The following VKORC1L1 variants were observed in gnomAD, a reference collection of about 807,000 sequenced individuals.
The protein encoded by VKORC1L1 is vitamin K epoxide reductase complex subunit 1-like protein 1.
Under a neutral mutation model 18.9 loss-of-function variants are expected in VKORC1L1, and 2 were observed. That is an observed-to-expected ratio of 0.11 (90% CI 0.04 to 0.33). VKORC1L1 has a LOEUF of 0.33. Ranked by LOEUF, VKORC1L1 falls within the 10% of genes least tolerant of loss-of-function variation. The pLI is 1.00. For missense variants in VKORC1L1, 123 were observed against 224.1 expected (o/e 0.55, Z 2.88); for synonymous variants, 96 against 100.0 (o/e 0.96, Z 0.24).
chr7:65,909,157 T>G (rs1789457973), intron 1 of VKORC1L1, among the ~76,000 whole-genome samples: 1 of 148,650 alleles, frequency 6.7e-6, no homozygotes, highest in Admixed American at 6.6e-5. Flanking sequence ...TTTTTTTTTT[T>G]TTTTTTAGTA....
chr7:65,928,092 G>A (rs990385541), intron 1 of VKORC1L1, among the ~76,000 whole-genome samples: 1 of 151,994 alleles, frequency 6.6e-6, no homozygotes, highest in East Asian at 1.9e-4. Flanking sequence ...CATGCCCCAA[G>A]AACTATTGAA....
intron 1 of VKORC1L1, among the ~76,000 whole-genome samples, chr7:65,901,251 T>C (rs1789310346): frequency 6.6e-6 from 1 of 152,106 alleles, no homozygotes; most frequent in African/African-American, 2.4e-5. Context: ...AATCCCAGTG[T>C]TTTGGGAGGC....
upstream of VKORC1L1, among the ~76,000 whole-genome samples, chr7:65,871,940 G>A (rs146958025): frequency 1.5e-4 from 23 of 152,260 alleles, no homozygotes; most frequent in Non-Finnish European, 2.2e-4. Context: ...AATAGATAAC[G>A]AATACAAGGA....
intron 2 of VKORC1L1, among the ~76,000 whole-genome samples, chr7:65,951,744 C>T (rs1419782533): frequency 6.6e-6 from 1 of 152,180 alleles, no homozygotes; most frequent in Admixed American, 6.5e-5. Flanking sequence ...CTTAATTTTC[C>T]TCCTTTTTAA....
intron 1 of VKORC1L1, among the ~76,000 whole-genome samples, chr7:65,888,079 G>A (rs1335773227): frequency 6.6e-6 from 1 of 152,054 alleles, no homozygotes; most frequent in Non-Finnish European, 1.5e-5. Context: ...AGGTAAACCC[G>A]CCCCTGTGTG....
chr7:65,911,991 T>C (rs985309743), intron 1 of VKORC1L1, among the ~76,000 whole-genome samples: 24 of 152,202 alleles, frequency 1.6e-4, no homozygotes, highest in African/African-American at 4.6e-4. Flanking sequence ...TTACCCACTA[T>C]TGACATATAA....
intron 1 of VKORC1L1, among the ~76,000 whole-genome samples, chr7:65,896,064 T>G (rs1789206608): frequency 1.5e-5 from 2 of 132,388 alleles, no homozygotes; most frequent in Admixed American, 7.6e-5. Flanking sequence ...CTCGGCCAAC[T>G]TTTTTTTTTT....
chr7:65,939,674 G>C (rs1790002662), intron 1 of VKORC1L1, among the ~76,000 whole-genome samples: 1 of 152,176 alleles, frequency 6.6e-6, no homozygotes, highest in Non-Finnish European at 1.5e-5. Context: ...ATTCATTTCT[G>C]CCGGAAACAA....
chr7:65,870,666 G>A (rs887612688), upstream of VKORC1L1, among the ~76,000 whole-genome samples: 4 of 152,198 alleles, frequency 2.6e-5, no homozygotes, highest in African/African-American at 9.7e-5. Flanking sequence ...ATTGATGAAA[G>A]AAGCCAGATG....
At chr7:65,930,494 T>G (rs1240725900) in intron 1 of VKORC1L1, among the ~76,000 whole-genome samples, 1 of 152,208 alleles carries the variant, frequency 6.6e-6, no homozygotes, top group Non-Finnish European at 1.5e-5. Context: ...AGCATGCAGT[T>G]ATTGATCAAG....
At chr7:65,926,715 A>G (rs1380757052) in intron 1 of VKORC1L1, among the ~76,000 whole-genome samples, 2 of 152,208 alleles carry the variant, frequency 1.3e-5, no homozygotes, top group Non-Finnish European at 2.9e-5. Context: ...TGCCCACTGG[A>G]CCAATGAGTG....
intron 1 of VKORC1L1, among the ~76,000 whole-genome samples, chr7:65,884,766 A>G (rs549023255): frequency 6.6e-6 from 1 of 152,220 alleles, no homozygotes. Context: ...CCAATATGAT[A>G]TATGAAAATT....
chr7:65,924,542 A>C (rs777936493), intron 1 of VKORC1L1, among the ~76,000 whole-genome samples: 1 of 152,232 alleles, frequency 6.6e-6, no homozygotes, highest in Non-Finnish European at 1.5e-5. Flanking sequence ...GAGTAATACA[A>C]ATGTAAATGG....
At position 65,957,440 on chromosome 7, in the gene VKORC1L1, C is replaced by T. The variant is rs1288034436; in HGVS notation, c.*3140C>T. Reference sequence around the variant, plus strand: ...AGGTTGCAGTGAGTCAAGATCATGCCACTGCACTCCAGCCTGGCCAACAGA... The same window carrying T: ...AGGTTGCAGTGAGTCAAGATCATGCTACTGCACTCCAGCCTGGCCAACAGA... On this transcript the variant is annotated 3_prime_UTR_variant, in exon 3 of 3. Transcript: ENST00000360768. 1.3e-5 allele frequency: 2 copies of T among 151,686 alleles called. No individual in the cohort carries two copies. Among genetic ancestry groups the T allele is most frequent in the African/African-American group, 4.9e-5 (2 of 41,156 alleles). 9.4% of individuals were successfully genotyped at this position (151,686 alleles called of 1,614,324 possible).
chr7:65,878,748 C>T (rs1399222541), intron 1 of VKORC1L1, among the ~76,000 whole-genome samples: 2 of 151,272 alleles, frequency 1.3e-5, no homozygotes, highest in Non-Finnish European at 2.9e-5. Context: ...ACTAAAAATA[C>T]AAAAAAAATT....
At chr7:65,947,459 C>G (rs1383819134) in intron 1 of VKORC1L1, among the ~76,000 whole-genome samples, 2 of 149,414 alleles carry the variant, frequency 1.3e-5, no homozygotes, top group African/African-American at 4.9e-5. Context: ...CTCGTTCAAT[C>G]CAGAGTTAAC....
chr7:65,871,164 A>AG (rs1562976245), upstream of VKORC1L1, among the ~76,000 whole-genome samples: 1 of 151,224 alleles, frequency 6.6e-6, no homozygotes, highest in East Asian at 1.9e-4. Context: ...GGCTGGACCT[A>AG]GGGACTATTT....
intron 1 of VKORC1L1, among the ~76,000 whole-genome samples, chr7:65,890,077 C>A (rs1299416321): frequency 6.6e-6 from 1 of 151,806 alleles, no homozygotes; most frequent in Non-Finnish European, 1.5e-5. Flanking sequence ...CCTGCCTCAG[C>A]CTGCCAAGTA....
intron 1 of VKORC1L1, among the ~76,000 whole-genome samples, chr7:65,923,658 T>C (rs1789714537): frequency 6.6e-6 from 1 of 152,184 alleles, no homozygotes; most frequent in South Asian, 2.1e-4. Context: ...GGACGGTATT[T>C]TCCTTCCTGG....
Sources: gnomAD v4.1 joint callset for allele counts (sites outside exome capture counted in the v4.1 genomes callset) on GRCh38, gnomAD v4.1.1 for gene constraint, MANE v1.5 for transcripts, NCBI Gene and HGNC (gene_info 2026-07-23, HGNC 2026-07-21) for gene names.